The following BBX variants were observed in gnomAD, a reference collection of about 807,000 sequenced individuals.
The protein encoded by BBX is HMG box transcription factor BBX.
BBX carries 30 observed loss-of-function variants against 100.2 expected under a neutral mutation model. The observed-to-expected ratio is 0.30, with a 90% CI of 0.22 to 0.41. BBX has a LOEUF of 0.41. BBX is among the 10% of genes least tolerant of loss of function. The probability of loss-of-function intolerance (pLI) is 1.00; values close to 1 mark genes in which losing one functional copy is unlikely to be tolerated. For missense variants in BBX, 1,023 were observed against 1,129.8 expected (o/e 0.91, Z 1.35); for synonymous variants, 376 against 388.1 (o/e 0.97, Z 0.37).
intron 3 of BBX, among the ~76,000 whole-genome samples, chr3:107,673,406 A>G (rs1395687757): frequency 6.6e-6 from 1 of 152,116 alleles, no homozygotes; most frequent in East Asian, 1.9e-4. Flanking sequence ...ATGGCCATTT[A>G]AAATCTGTTT....
intron 9 of BBX, among the ~76,000 whole-genome samples, chr3:107,753,641 C>T (rs1315447583): frequency 1.3e-5 from 2 of 152,136 alleles, no homozygotes; most frequent in Non-Finnish European, 2.9e-5. Context: ...CTGCATTAGG[C>T]ACAGGATATG....
At chr3:107,731,999 G>A (rs532299174) in intron 6 of BBX, among the ~76,000 whole-genome samples, 55 of 152,096 alleles carry the variant, frequency 3.6e-4, no homozygotes, top group African/African-American at 1.2e-3. Flanking sequence ...TAGACTTACA[G>A]GACACAGGTG....
chr3:107,767,383 A>G (rs774587022), intron 10 of BBX, among the ~76,000 whole-genome samples: 1 of 152,134 alleles, frequency 6.6e-6, no homozygotes. Context: ...TACATATCCA[A>G]TTTAAAAAAG....
At chr3:107,622,546 C>A (rs2055855712) in intron 2 of BBX, among the ~76,000 whole-genome samples, 1 of 152,076 alleles carries the variant, frequency 6.6e-6, no homozygotes, top group Non-Finnish European at 1.5e-5. Context: ...CCTGTAAGCC[C>A]TTTATCTTTC....
In BBX at chr3:107,808,178, T is replaced by C. The variant is rs1284912363; in HGVS notation, c.*2721T>C. 2.0e-5 allele frequency: 3 copies of C among 152,190 alleles called. No homozygotes were observed. Among genetic ancestry groups the C allele is most frequent in the African/African-American group, 7.2e-5 (3 of 41,456 alleles). The allele number at this position is 152,190 out of a possible 1,614,324, so 9.4% of individuals were successfully genotyped here. ...AATCATATTGCTATAGTGTGTACTT[T>C]AATCTGCCAGCAGATACCATCTACA... On this transcript the variant is annotated 3_prime_UTR_variant, in exon 18 of 18. Transcript: ENST00000325805.
intron 5 of BBX, among the ~76,000 whole-genome samples, chr3:107,724,607 G>A (rs2062785379): frequency 1.3e-5 from 2 of 152,250 alleles, no homozygotes; most frequent in South Asian, 2.1e-4. Context: ...AAGGGATCCA[G>A]TTTCAGCTTT....
chr3:107,685,318 G>T (rs556119382), intron 3 of BBX, among the ~76,000 whole-genome samples: 1 of 152,164 alleles, frequency 6.6e-6, no homozygotes, highest in Non-Finnish European at 1.5e-5. Flanking sequence ...TAACTTGAGG[G>T]TGTTTAATCA....
intron 3 of BBX, among the ~76,000 whole-genome samples, chr3:107,704,925 G>C (rs1332242973): frequency 6.6e-6 from 1 of 152,156 alleles, no homozygotes; most frequent in East Asian, 1.9e-4. Context: ...GGTCTTGGAG[G>C]ATGAGAAGGA....
intron 3 of BBX, among the ~76,000 whole-genome samples, chr3:107,648,478 G>T (rs1045781865): frequency 6.6e-6 from 1 of 152,098 alleles, no homozygotes; most frequent in African/African-American, 2.4e-5. Context: ...AACTTTGACA[G>T]ATATTATCTA....
At chr3:107,541,145 A>C (rs1196689965) in intron 2 of BBX, among the ~76,000 whole-genome samples, 1 of 152,130 alleles carries the variant, frequency 6.6e-6, no homozygotes, top group African/African-American at 2.4e-5. Context: ...CTGTATAACC[A>C]TGCTCTTAGG....
chr3:107,666,282 C>T (rs2058737666), intron 3 of BBX, among the ~76,000 whole-genome samples: 1 of 152,194 alleles, frequency 6.6e-6, no homozygotes, highest in Admixed American at 6.5e-5. Flanking sequence ...CAGGTATAGA[C>T]TCTTCCTCAC....
chr3:107,758,585 T>C (rs2065663098), intron 10 of BBX, among the ~76,000 whole-genome samples: 1 of 152,154 alleles, frequency 6.6e-6, no homozygotes. Flanking sequence ...GCCGTCCTTA[T>C]ACTAAAACAA....
intron 3 of BBX, among the ~76,000 whole-genome samples, chr3:107,663,988 G>A (rs2058606080): frequency 6.6e-6 from 1 of 151,928 alleles, no homozygotes; most frequent in Non-Finnish European, 1.5e-5. Flanking sequence ...TGTATTTTTA[G>A]TAGAGACGAG....
At chr3:107,617,945 C>G (rs976950162) in intron 2 of BBX, among the ~76,000 whole-genome samples, 1 of 151,738 alleles carries the variant, frequency 6.6e-6, no homozygotes, top group African/African-American at 2.4e-5. Flanking sequence ...TGAGACTGGC[C>G]CTTCTTGTTC....
In BBX at chr3:107,747,992, G is replaced by A. The variant is rs771161034; in HGVS notation, c.778G>A (p.Ala260Thr). ...ATCTTCAAGTACGTCCCACTCTGAT[G>A]CTTCTACAAAGCAGTGTCAAACATC... ...EISSSTSHSDASTKQCQTSAL... is the reference protein window; with the variant it reads ...EISSSTSHSDTSTKQCQTSAL... Residue 260 changes from alanine to threonine, a missense_variant, in exon 9 of 18, where the codon GCT becomes ACT. This residue lies in a region of BBX where 95 missense variants were observed against 95.1 expected (regional missense o/e 1.00). Coordinates refer to ENST00000325805, the MANE Select transcript of BBX (RefSeq NM_001142568.3). 5.0e-6 allele frequency: 8 copies of A among 1,613,248 alleles called. No homozygotes were observed. The Admixed American group carries it at 1.2e-4, about 24-fold the overall frequency.
chr3:107,643,139 C>T (rs192818578), intron 2 of BBX, among the ~76,000 whole-genome samples: 1 of 152,176 alleles, frequency 6.6e-6, no homozygotes, highest in Admixed American at 6.5e-5. Flanking sequence ...TGGGAATCTG[C>T]CTCATTGTAG....
chr3:107,715,700 A>G (rs998125279), intron 4 of BBX, among the ~76,000 whole-genome samples: 1 of 152,234 alleles, frequency 6.6e-6, no homozygotes, highest in Admixed American at 6.5e-5. Flanking sequence ...TGCAAGAAGT[A>G]TTGTAAAGAA....
chr3:107,692,041 A>G (rs887034128), intron 3 of BBX, among the ~76,000 whole-genome samples: 3 of 152,168 alleles, frequency 2.0e-5, no homozygotes, highest in African/African-American at 7.2e-5. Flanking sequence ...AAAGAACAGT[A>G]GCTAAGGAAA....
chr3:107,609,999 T>TA (rs1333766648), intron 2 of BBX, among the ~76,000 whole-genome samples: 1 of 152,098 alleles, frequency 6.6e-6, no homozygotes, highest in Admixed American at 6.5e-5. Context: ...TGTAGGCACT[T>TA]ATAGCTATAA....
Sources: gnomAD v4.1 joint callset for allele counts (sites outside exome capture counted in the v4.1 genomes callset) on GRCh38, gnomAD v4.1.1 for gene constraint, gnomAD v4.1.1 regional missense constraint, MANE v1.5 for transcripts, NCBI Gene and HGNC (gene_info 2026-07-23, HGNC 2026-07-21) for gene names.